MYH9: variants seen among roughly 807,000 people sequenced by gnomAD.
MYH9 encodes the protein myosin-9.
MYH9 carries 29 observed loss-of-function variants against 241.9 expected under a neutral mutation model. The ratio of observed to expected loss-of-function variants is 0.12; its 90% CI spans 0.09 to 0.16. The LOEUF (loss-of-function observed/expected upper bound fraction) is 0.16, where lower values mean the gene tolerates loss of function less well. Among genes scored for constraint, MYH9 ranks in the 10% least tolerant of loss-of-function variants. The pLI is 1.00. For synonymous variants in MYH9, 1,047 were observed against 1,062.6 expected (o/e 0.99, Z 0.29); for missense variants, 1,803 against 2,595.5 (o/e 0.69, Z 6.63).
chr22:36,360,750 T>C (rs2017925163), intron 1 of MYH9, among the ~76,000 whole-genome samples: 2 of 151,548 alleles, frequency 1.3e-5, no homozygotes, highest in South Asian at 4.2e-4. Flanking sequence ...AAAAGAAATC[T>C]GCTTAACTCC....
At position 36,346,871 on chromosome 22, in the gene MYH9, C is replaced by G. The variant is rs1054363683; in HGVS notation, c.333+2033G>C. On this transcript the variant is annotated intron_variant, in intron 2 of 40. Coordinates refer to ENST00000216181, the MANE Select transcript of MYH9 (RefSeq NM_002473.6). ...TCCTCTCGTCTTGGCCTCCCAAGGTCCTGGGATTGCAGGCATGCACCACCA... is the reference window on the plus strand; with the variant it reads ...TCCTCTCGTCTTGGCCTCCCAAGGTGCTGGGATTGCAGGCATGCACCACCA... Among the ~76,000 whole-genome samples the G allele has an allele frequency of 6.6e-5, 10 of 152,132 alleles. No individual in the cohort carries two copies. In the South Asian group the frequency reaches 2.1e-3, roughly 32 times the overall value.
chr22:36,301,349 C>T (rs986012004), intron 21 of MYH9, among the ~76,000 whole-genome samples, 185 bp downstream of exon 21: 7 of 152,170 alleles, frequency 4.6e-5, no homozygotes, highest in Admixed American at 4.6e-4. Flanking sequence ...AGTGGCCTCC[C>T]TACATCACTT....
chr22:36,362,552 A>T (rs136212), intron 1 of MYH9, among the ~76,000 whole-genome samples: 12 of 152,172 alleles, frequency 7.9e-5, no homozygotes, highest in African/African-American at 2.9e-4. Context: ...GCAGTGGCAC[A>T]ATCTTGGCTC....
At chr22:36,291,337 A>G (rs1327037662) in intron 31 of MYH9, among the ~76,000 whole-genome samples, 1 of 152,262 alleles carries the variant, frequency 6.6e-6, no homozygotes, top group Non-Finnish European at 1.5e-5. Flanking sequence ...GTGTACAAGA[A>G]AAATTCTTCT....
chr22:36,296,726 T>C, intron 25 of MYH9, 117 bp downstream of exon 25: 4 of 1,235,716 alleles, frequency 3.2e-6, no homozygotes, highest in Non-Finnish European at 4.4e-6. Context: ...ATGGCTCTTT[T>C]AAGACAACAG....
chr22:36,339,903 G>A lies in MYH9; in HGVS notation c.490+1467C>T, dbSNP rs79449239. On this transcript the variant is annotated intron_variant, in intron 3 of 40. Transcript: ENST00000216181. Reference sequence around the variant, plus strand: ...AGAGAAAAAGAAACGTGTAAACACTGCAGTCAAATAAAGCACTACCAGGGC... The same window carrying A: ...AGAGAAAAAGAAACGTGTAAACACTACAGTCAAATAAAGCACTACCAGGGC... Among the ~76,000 whole-genome samples, 1,245 of 152,272 alleles carry A rather than the reference G, an allele frequency of 8.2e-3. 18 individuals carry two copies. The highest frequency in any genetic ancestry group is 0.028 in the African/African-American group (1,166 of 41,544).
intron 2 of MYH9, 116 bp downstream of exon 2, chr22:36,348,788 C>G (rs927644124): frequency 3.0e-6 from 3 of 992,568 alleles, no homozygotes; most frequent in Non-Finnish European, 4.7e-6. Flanking sequence ...CTTCAAGCCC[C>G]CTTCTCAACC....
chr22:36,351,443 G>A (rs748033144), intron 1 of MYH9, among the ~76,000 whole-genome samples: 6 of 152,270 alleles, frequency 3.9e-5, no homozygotes, highest in East Asian at 3.9e-4. Context: ...TCTTTGCTGC[G>A]GGTCTGAGGT....
At chr22:36,332,480 A>G (rs1168655593) in intron 3 of MYH9, among the ~76,000 whole-genome samples, 1 of 151,920 alleles carries the variant, frequency 6.6e-6, no homozygotes, top group East Asian at 1.9e-4. Context: ...GGCCCAGACC[A>G]AGGGACATGC....
At chr22:36,292,684 T>C (rs1419956776) in intron 30 of MYH9, among the ~76,000 whole-genome samples, 1 of 152,212 alleles carries the variant, frequency 6.6e-6, no homozygotes, top group Admixed American at 6.5e-5. Flanking sequence ...CCCGAGGTGG[T>C]TCAGGCCTTC....
rs1004093494 is a variant in MYH9 at position 36,286,739 on chromosome 22, G to A, written c.5040C>T (p.Ala1680=). The change falls in exon 35 of 41, where the codon GCC becomes GCT. Residue 1680 remains alanine, a synonymous_variant. Coordinates refer to ENST00000216181, the MANE Select transcript of MYH9 (RefSeq NM_002473.6). The stretch of plus-strand genomic sequence containing the variant: ...CCACCTCCTGCAACTGGATCATCTC[G>A]GCCTCCATGCTCTTCAGCTTCTTCT... ...ENEKKLKSME[A]EMIQLQEELA... is the part of the protein sequence containing the mutation. The A allele has an allele frequency of 9.3e-6, 15 of 1,612,992 alleles. No individual in the cohort carries two copies. The highest frequency in any genetic ancestry group is 5.3e-5 in the African/African-American group (4 of 75,048).
Position 36,294,947 on chromosome 22 carries a change from C to G in MYH9, c.3615G>C (p.Leu1205=), listed in dbSNP as rs778463190. The part of the protein sequence containing the change: ...SQAVEELAEQ[L]EQTKRVKANL... ...GGCTCCGCACCCGCTTCGTCTGCTC[C>G]AGCTGCTCCGCCAGCTCCTCCACGG... Residue 1205 remains leucine (L), a synonymous_variant, in exon 27 of 41, where the codon CTG becomes CTC. Transcript: ENST00000216181. 3.5e-5 allele frequency: 56 copies of G among 1,613,670 alleles called. 1 individual carries two copies. In the South Asian group the frequency reaches 6.1e-4, roughly 18 times the overall value.
At chr22:36,314,641 T>G (rs1379786218) in intron 12 of MYH9, among the ~76,000 whole-genome samples, 2 of 135,934 alleles carry the variant, frequency 1.5e-5, no homozygotes, top group South Asian at 2.5e-4. Context: ...TAATACATTG[T>G]TTTTTTTTTT....
At chr22:36,299,104 C>T in intron 23 of MYH9, 62 bp from the exon 24 acceptor site, 1 of 1,609,050 alleles carries the variant, frequency 6.2e-7, no homozygotes, top group South Asian at 1.1e-5. Context: ...TTGCTAGCCT[C>T]AAAGCATGAC....
In MYH9 at chr22:36,300,707, C is replaced by T. The variant is rs2016862926; in HGVS notation, c.2838+144G>A. ...CAAACTACCAGCCCAAAGGGAACAC[C>T]TCTCACTGAGAGCCCCAAGCAGATT... On this transcript the variant is annotated intron_variant, in intron 22 of 40. Coordinates refer to ENST00000216181, the MANE Select transcript of MYH9 (RefSeq NM_002473.6). The surrounding 1 kb of genome is among the most constrained non-coding windows in gnomAD (Gnocchi z 5.0). 3.7e-5 allele frequency: 33 copies of T among 900,046 alleles called. No homozygotes were observed. Among genetic ancestry groups the T allele is most frequent in the Non-Finnish European group, 5.4e-5 (31 of 569,154 alleles). The allele number at this position is 900,046 out of a possible 1,614,324, so 55.8% of individuals were successfully genotyped here. A position where few individuals can be genotyped will look rare whatever the true frequency, so the allele number is the denominator to read the frequency against.
Position 36,300,841 on chromosome 22 carries a change from G to A in MYH9, c.2838+10C>T, listed in dbSNP as rs1027216058. ...GGCGCCACCCCTCCCCGGGTGCAGC[G>A]GGCAGGAACCTGGATGTTCTGCTGC... On this transcript the variant is annotated intron_variant, in intron 22 of 40. Coordinates refer to ENST00000216181, the MANE Select transcript of MYH9 (RefSeq NM_002473.6). This position sits in a 1 kb window ranked among gnomAD's most constrained non-coding sequence, Gnocchi z 5.0. 1.0e-5 allele frequency: 16 copies of A among 1,599,756 alleles called. No individual in the cohort carries two copies. Among genetic ancestry groups the A allele is most frequent in the Middle Eastern group, 3.3e-4 (2 of 6,074 alleles).
Position 36,365,656 on chromosome 22 carries a change from T to C in MYH9, c.-19-16401A>G, listed in dbSNP as rs144011163. On this transcript the variant is annotated intron_variant, in intron 1 of 40. Transcript: ENST00000216181. The stretch of plus-strand genomic sequence containing the variant: ...TTGTATTTTTAGCAGAGACGGAGTT[T>C]CACCATGTTGACCAGGCTAGTCTCA... Among the ~76,000 whole-genome samples, 444 of 152,166 alleles carry C rather than the reference T, an allele frequency of 2.9e-3. 4 individuals carry two copies. The highest frequency in any genetic ancestry group is 4.4e-3 in the Non-Finnish European group (297 of 67,996).
chr22:36,293,465 T>C lies in MYH9; in HGVS notation c.3959A>G (p.Glu1320Gly), dbSNP rs1408599841. The C allele has an allele frequency of 6.2e-7, 1 of 1,613,438 alleles. No individual in the cohort carries two copies. Among genetic ancestry groups the C allele is most frequent in the Non-Finnish European group, 8.5e-7 (1 of 1,180,002 alleles). The change falls in exon 30 of 41, where the codon GAG (glutamate) becomes GGG (glycine). Residue 1320 changes from glutamate to glycine, a missense_variant. Glu to Gly is a moderately conservative substitution (Grantham distance 98, BLOSUM62 -2). Around this residue, in one of 11 missense-constraint regions of MYH9, gnomAD observed 876 missense variants for 1,077.8 expected, o/e 0.81. Coordinates refer to ENST00000216181, the MANE Select transcript of MYH9 (RefSeq NM_002473.6). This position sits in a 1 kb window ranked among gnomAD's most constrained non-coding sequence, Gnocchi z 5.1. ...LQDTQELLQE[E>G]NRQKLSLSTK... ...GCTCAGGCTCAGCTTCTGCCGGTTCTCCTCCTGCAGCAGCTCCTACTCGCG... is the reference window on the plus strand; with the variant it reads ...GCTCAGGCTCAGCTTCTGCCGGTTCCCCTCCTGCAGCAGCTCCTACTCGCG...
chr22:36,285,679 C>T lies in MYH9; in HGVS notation c.5253G>A (p.Arg1751=), dbSNP rs1235774915. Residue 1751 remains arginine (R), a synonymous_variant, in exon 37 of 41, where the codon CGG becomes CGA. Coordinates refer to ENST00000216181, the MANE Select transcript of MYH9 (RefSeq NM_002473.6). This position sits in a 1 kb window ranked among gnomAD's most constrained non-coding sequence, Gnocchi z 7.0. ...EQGNTELIND[R]LKKANLQIDQ... Reference sequence around the variant, plus strand: ...CCACCTGCAGGTTGGCCTTCTTCAGCCGGTCGTTGATCAGCTCCGTGTTGC... The same window carrying T: ...CCACCTGCAGGTTGGCCTTCTTCAGTCGGTCGTTGATCAGCTCCGTGTTGC... 6.2e-7 allele frequency: 1 copy of T among 1,612,690 alleles called. No homozygotes were observed. Among genetic ancestry groups the T allele is most frequent in the Admixed American group, 1.7e-5 (1 of 60,024 alleles).
Sources: allele counts gnomAD v4.1 joint callset (sites outside exome capture counted in the v4.1 genomes callset), GRCh38; gene constraint gnomAD v4.1.1; regional missense constraint gnomAD v4.1.1; non-coding constraint Gnocchi (gnomAD v3.1); transcripts MANE v1.5; gene names NCBI Gene and HGNC (gene_info 2026-07-23, HGNC 2026-07-21).